Variants in USP37 observed in about 807,000 individuals in gnomAD.
USP37 encodes the protein ubiquitin carboxyl-terminal hydrolase 37.
USP37 carries 27 observed loss-of-function variants against 124.0 expected under a neutral mutation model. That is an observed-to-expected ratio of 0.22 (90% CI 0.16 to 0.30). The LOEUF is 0.30. USP37 is among the 10% of genes least tolerant of loss of function. USP37 has a pLI of 1.00. For missense variants in USP37, 889 were observed against 1,140.4 expected (o/e 0.78, Z 3.17); for synonymous variants, 365 against 388.0 (o/e 0.94, Z 0.70).
chr2:218,468,706 T>C (rs533046179), intron 20 of USP37, among the ~76,000 whole-genome samples: 21 of 152,266 alleles, frequency 1.4e-4, no homozygotes, highest in African/African-American at 4.8e-4. Flanking sequence ...TCTTATTTTA[T>C]TTTTTGAGAC....
In USP37 at chr2:218,458,254, A is replaced by G. The variant is rs1392062537; in HGVS notation, c.2644-1093T>C. On this transcript the variant is annotated intron_variant, in intron 23 of 25. Transcript: ENST00000258399. ...CCTGGGTGACAGACAGACCTTGCCT[A>G]AAAAAAAAAAAAAAAAAAAAAACAA... Among the ~76,000 whole-genome samples the G allele has an allele frequency of 2.0e-4, 5 of 24,568 alleles. No homozygotes were observed. In the South Asian group the frequency reaches 0.011, roughly 53 times the overall value. 16.1% of individuals were successfully genotyped at this position (24,568 alleles called of 152,430 possible).
chr2:218,556,792 C>T (rs933040466), intron 4 of USP37, among the ~76,000 whole-genome samples: 1 of 151,790 alleles, frequency 6.6e-6, no homozygotes, highest in Admixed American at 6.6e-5. Context: ...GGATTACAGA[C>T]GTGAGCCATC....
intron 8 of USP37, among the ~76,000 whole-genome samples, chr2:218,540,620 C>T (rs1046938764): frequency 6.6e-6 from 1 of 152,184 alleles, no homozygotes; most frequent in African/African-American, 2.4e-5. Flanking sequence ...CCAGCCTGGG[C>T]TGGAGCAAGA....
intron 9 of USP37, among the ~76,000 whole-genome samples, chr2:218,531,904 G>A (rs1691346766): frequency 6.6e-6 from 1 of 152,262 alleles, no homozygotes; most frequent in South Asian, 2.1e-4. Context: ...TTTAATGGAT[G>A]TGGAGTTGCT....
At chr2:218,483,985 CCT>C (rs575111654) in intron 16 of USP37, among the ~76,000 whole-genome samples, 253 of 152,218 alleles carry the variant, frequency 1.7e-3, no homozygotes, top group African/African-American at 5.9e-3. Context: ...ACGGCGCGAC[CCT>C]GTCTCTACCA....
At chr2:218,488,085 G>A (rs1417133392) in intron 15 of USP37, among the ~76,000 whole-genome samples, 1 of 150,898 alleles carries the variant, frequency 6.6e-6, no homozygotes, top group Non-Finnish European at 1.5e-5. Context: ...GCTGAGGTGG[G>A]AGGACCGCTT....
intron 8 of USP37, among the ~76,000 whole-genome samples, chr2:218,539,064 CT>C (rs1691824181): frequency 6.6e-6 from 1 of 151,928 alleles, no homozygotes; most frequent in Non-Finnish European, 1.5e-5. Context: ...GCCTCCCAGG[CT>C]CAAGCCATCC....
intron 4 of USP37, among the ~76,000 whole-genome samples, chr2:218,556,503 G>GGTT (rs1692982327): frequency 1.9e-5 from 1 of 53,806 alleles, no homozygotes; most frequent in East Asian, 7.2e-4. Flanking sequence ...GGGTTTTTCT[G>GGTT]TTTTTTTTTT....
chr2:218,514,755 G>T (rs1690183747), intron 10 of USP37, among the ~76,000 whole-genome samples: 1 of 152,126 alleles, frequency 6.6e-6, no homozygotes, highest in Non-Finnish European at 1.5e-5. Context: ...AATTATTACT[G>T]CAGTATTTGA....
chr2:218,478,816 C>T (rs987433353), intron 18 of USP37, among the ~76,000 whole-genome samples: 2 of 152,102 alleles, frequency 1.3e-5, no homozygotes, highest in Non-Finnish European at 1.5e-5. Context: ...GTATTCATAT[C>T]GGTACCATTT....
intron 18 of USP37, among the ~76,000 whole-genome samples, chr2:218,477,365 C>A (rs373727456): frequency 2.0e-5 from 3 of 152,298 alleles, no homozygotes; most frequent in African/African-American, 7.2e-5. Context: ...AAATTATGAT[C>A]CATGCACTTT....
intron 10 of USP37, among the ~76,000 whole-genome samples, chr2:218,521,169 G>T (rs1690592766): frequency 2.0e-5 from 3 of 152,070 alleles, no homozygotes; most frequent in African/African-American, 7.2e-5. Context: ...ACGCTGCCAT[G>T]CTCCCTGTAC....
At chr2:218,553,492 G>C in intron 5 of USP37, 61 bp downstream of exon 5, 1 of 1,455,726 alleles carries the variant, frequency 6.9e-7, no homozygotes, top group Non-Finnish European at 9.2e-7. Context: ...ATATTGGTCT[G>C]TAGTCTAGTC....
At chr2:218,494,736 T>A (rs553356110) in intron 14 of USP37, among the ~76,000 whole-genome samples, 3 of 152,200 alleles carry the variant, frequency 2.0e-5, no homozygotes, top group Non-Finnish European at 4.4e-5. Context: ...GTACTACAGA[T>A]GACTGGAAGA....
intron 20 of USP37, among the ~76,000 whole-genome samples, chr2:218,471,021 G>A (rs1690653514): frequency 6.6e-6 from 1 of 152,200 alleles, no homozygotes; most frequent in Admixed American, 6.5e-5. Flanking sequence ...ACATCATGGA[G>A]ACTGAGAAAA....
Position 218,537,279 on chromosome 2 carries a change from T to C in USP37, c.681-2573A>G, listed in dbSNP as rs182803427. ...AACAATGTGACAGAAGTTAACAGTG[T>C]GTGAGTTCTGACCCTAAGTCTAAAG... is the stretch of plus-strand genomic sequence containing the variant. On this transcript the variant is annotated intron_variant, in intron 8 of 25. Coordinates refer to ENST00000258399, the MANE Select transcript of USP37 (RefSeq NM_020935.3). 1.6e-3 allele frequency among the ~76,000 whole-genome samples: 243 copies of C among 152,374 alleles called. 2 individuals are homozygous for C. The highest frequency in any genetic ancestry group is 5.5e-3 in the African/African-American group (230 of 41,578).
At position 218,488,362 on chromosome 2, in the gene USP37, C is replaced by A. The variant is rs376395010; in HGVS notation, c.1532G>T (p.Arg511Leu). ...QFNDLSIDLP[R>L]RKKPLPPRSI... Reference sequence around the variant, plus strand: ...ACGAGGAGGGAGTGGTTTTTTCCTACGAGGAAGGTCAATAGAGAGGTCATT... The same window carrying A: ...ACGAGGAGGGAGTGGTTTTTTCCTAAGAGGAAGGTCAATAGAGAGGTCATT... The change falls in exon 15 of 26, where the codon CGT becomes CTT. Residue 511 changes from arginine (R) to leucine (L), a missense_variant. Physicochemically the swap from Arg to Leu is moderately radical, Grantham distance 102. This residue lies in a region of USP37 where 504 missense variants were observed against 714.3 expected (regional missense o/e 0.71). Coordinates refer to ENST00000258399, the MANE Select transcript of USP37 (RefSeq NM_020935.3). The A allele has an allele frequency of 6.2e-7, 1 of 1,612,302 alleles. No homozygotes were observed. The highest frequency in any genetic ancestry group is 8.5e-7 in the Non-Finnish European group (1 of 1,179,400).
intron 18 of USP37, among the ~76,000 whole-genome samples, chr2:218,478,364 ATTAAT>A (rs1365816945): frequency 6.6e-6 from 1 of 152,208 alleles, no homozygotes; most frequent in Non-Finnish European, 1.5e-5. Context: ...ACCTGAACAT[ATTAAT>A]TTGTTTACCC....
rs1355238358 is a variant in USP37 at position 218,453,911 on chromosome 2, A to G, written c.*1019T>C. Reference sequence around the variant, plus strand: ...AGTGGTCCAGAATTTTAGCTTTACCAGAAGAACACTCTTCTTATCCTCCCT... The same window carrying G: ...AGTGGTCCAGAATTTTAGCTTTACCGGAAGAACACTCTTCTTATCCTCCCT... On this transcript the variant is annotated 3_prime_UTR_variant, in exon 26 of 26. Transcript: ENST00000258399. The G allele has an allele frequency of 6.6e-6, 1 of 152,172 alleles. No individual in the cohort carries two copies. The highest frequency in any genetic ancestry group is 1.5e-5 in the Non-Finnish European group (1 of 68,032). 9.4% of individuals were successfully genotyped at this position (152,172 alleles called of 1,614,324 possible). A position where few individuals can be genotyped will look rare whatever the true frequency, so the allele number is the denominator to read the frequency against.
Sources: gnomAD v4.1 joint callset for allele counts (sites outside exome capture counted in the v4.1 genomes callset) on GRCh38, gnomAD v4.1.1 for gene constraint, gnomAD v4.1.1 regional missense constraint, MANE v1.5 for transcripts, NCBI Gene and HGNC (gene_info 2026-07-23, HGNC 2026-07-21) for gene names.